Variants in MEGF9 observed in about 807,000 individuals in gnomAD.
MEGF9 encodes multiple EGF like domains 9, also known as multiple epidermal growth factor-like domains protein 9.
A neutral mutation model predicts 46.8 loss-of-function variants in MEGF9; 6 were observed. The observed-to-expected ratio is 0.13, with a 90% CI of 0.07 to 0.25. The LOEUF is 0.25. Ranked by LOEUF, MEGF9 falls within the 10% of genes least tolerant of loss-of-function variation. MEGF9 has a pLI of 1.00. For synonymous variants in MEGF9, 302 were observed against 330.7 expected, an observed-to-expected ratio of 0.91 and a Z score of 0.94; for missense variants, 683 against 792.4, an observed-to-expected ratio of 0.86 and a Z score of 1.66.
At chr9:120,637,283 T>C (rs1026860019) in intron 2 of MEGF9, among the ~76,000 whole-genome samples, 2 of 152,102 alleles carry the variant, frequency 1.3e-5, no homozygotes, top group African/African-American at 2.4e-5. Context: ...ACACAAACAC[T>C]GTGGAAGGCC....
chr9:120,672,407 ACATAGTGAGACCCCATCTC>A (rs1202502945), intron 1 of MEGF9, among the ~76,000 whole-genome samples: 1 of 151,528 alleles, frequency 6.6e-6, no homozygotes, highest in Non-Finnish European at 1.5e-5. Flanking sequence ...AGCCTAGGCA[ACATAGTGAGACCCCATCTC>A]TACAGAAAAA....
rs1564428234 is a variant in MEGF9, at chr9:120,688,133, ACACACAC to A, written c.601+25618_601+25624del. Among the ~76,000 whole-genome samples the A allele has an allele frequency of 2.3e-3, 69 of 30,316 alleles. 1 individual carries two copies. Among genetic ancestry groups the A allele is most frequent in the African/African-American group, 8.6e-3 (68 of 7,944 alleles). 19.9% of individuals were successfully genotyped at this position (30,316 alleles called of 152,430 possible). On this transcript the variant is annotated intron_variant, in intron 1 of 5. Transcript: ENST00000373930. The stretch of plus-strand genomic sequence containing the variant: ...GAATGCATCATCTCCTCTCCGCAAC[ACACACAC>A]ACACACACACACACACACACACACA...
At chr9:120,618,077 A>C (rs1203740366) in intron 3 of MEGF9, among the ~76,000 whole-genome samples, 1 of 152,200 alleles carries the variant, frequency 6.6e-6, no homozygotes, top group Non-Finnish European at 1.5e-5. Flanking sequence ...GAGAAATGCA[A>C]ATCTGATAAT....
chr9:120,624,980 A>G (rs1488940975), intron 2 of MEGF9, among the ~76,000 whole-genome samples: 1 of 152,230 alleles, frequency 6.6e-6, no homozygotes, highest in Non-Finnish European at 1.5e-5. Context: ...CTGCATGTAT[A>G]AGAATTAAAT....
chr9:120,650,461 G>C (rs2043644624), intron 2 of MEGF9, among the ~76,000 whole-genome samples: 1 of 152,068 alleles, frequency 6.6e-6, no homozygotes, highest in Admixed American at 6.5e-5. Context: ...AATTAAACAG[G>C]TTGGAACACC....
intron 1 of MEGF9, among the ~76,000 whole-genome samples, chr9:120,664,726 C>T (rs1041122571): frequency 2.0e-5 from 3 of 152,172 alleles, no homozygotes; most frequent in African/African-American, 7.2e-5. Flanking sequence ...TAGAAGACTA[C>T]TGGTGGCTAT....
rs2043550331 is a variant in MEGF9, at chr9:120,631,486, C to CA, written c.804-8732dup. Among the ~76,000 whole-genome samples, 3 of 92,842 alleles carry CA rather than the reference C, an allele frequency of 3.2e-5. No homozygotes were observed. The South Asian group carries it at 1.4e-3, about 43-fold the overall frequency. The allele number at this position is 92,842 out of a possible 152,430, so 60.9% of individuals were successfully genotyped here. ...CTGTGGTTCCATATGAATTTGATTG[C>CA]ATTTTTTTTTTTTTCTGAGATGGAG... On this transcript the variant is annotated intron_variant, in intron 2 of 5. Coordinates refer to ENST00000373930, the MANE Select transcript of MEGF9 (RefSeq NM_001080497.3).
At chr9:120,646,025 T>G (rs982814983) in intron 2 of MEGF9, among the ~76,000 whole-genome samples, 1 of 152,206 alleles carries the variant, frequency 6.6e-6, no homozygotes, top group African/African-American at 2.4e-5. Flanking sequence ...ACTTTGTGCC[T>G]AAGCATTTCC....
intron 3 of MEGF9, among the ~76,000 whole-genome samples, chr9:120,621,734 G>A (rs552759661): frequency 2.6e-5 from 4 of 151,960 alleles, no homozygotes; most frequent in East Asian, 1.9e-4. Flanking sequence ...ATTGTATGCC[G>A]GACACAGTAT....
chr9:120,701,690 A>C (rs2043905830), intron 1 of MEGF9, among the ~76,000 whole-genome samples: 1 of 152,204 alleles, frequency 6.6e-6, no homozygotes, highest in Non-Finnish European at 1.5e-5. Context: ...AATTTTGCAC[A>C]ATCTAAACAA....
At chr9:120,649,028 T>C (rs1044928678) in intron 2 of MEGF9, among the ~76,000 whole-genome samples, 3 of 152,214 alleles carry the variant, frequency 2.0e-5, no homozygotes, top group Non-Finnish European at 2.9e-5. Context: ...GTCCTTTCCA[T>C]AAAATGGCAC....
chr9:120,649,764 T>A (rs1388031138), intron 2 of MEGF9, among the ~76,000 whole-genome samples: 1 of 152,224 alleles, frequency 6.6e-6, no homozygotes, highest in East Asian at 1.9e-4. Context: ...CTTGTTTATA[T>A]CCATTAGCCT....
At chr9:120,632,345 T>C in intron 2 of MEGF9, among the ~76,000 whole-genome samples, 1 of 151,960 alleles carries the variant, frequency 6.6e-6, no homozygotes, top group East Asian at 1.9e-4. Flanking sequence ...TGTTTTTTTT[T>C]TTTTTTGGAG....
At chr9:120,606,509 G>A (rs1042765876) in intron 5 of MEGF9, among the ~76,000 whole-genome samples, 6 of 152,180 alleles carry the variant, frequency 3.9e-5, no homozygotes, top group African/African-American at 1.4e-4. Flanking sequence ...CCATGTGTAG[G>A]AATTCTTCCT....
At chr9:120,700,059 T>A (rs1283880067) in intron 1 of MEGF9, among the ~76,000 whole-genome samples, 1 of 152,230 alleles carries the variant, frequency 6.6e-6, no homozygotes, top group East Asian at 1.9e-4. Context: ...ATATAAACCA[T>A]GTAACTTGGA....
chr9:120,632,419 AACAGC>A (rs1396805799), intron 2 of MEGF9, among the ~76,000 whole-genome samples: 1 of 151,894 alleles, frequency 6.6e-6, no homozygotes, highest in Non-Finnish European at 1.5e-5. Context: ...GCTGTGTAAA[AACAGC>A]ACTGATTTTT....
chr9:120,711,435 C>T (rs962227105), intron 1 of MEGF9, among the ~76,000 whole-genome samples: 1 of 152,010 alleles, frequency 6.6e-6, no homozygotes, highest in Non-Finnish European at 1.5e-5. Flanking sequence ...TTTTTAAATA[C>T]CCTGTGTGTA....
chr9:120,622,434 T>TTTTTTTA (rs1554794918), intron 3 of MEGF9, among the ~76,000 whole-genome samples, 182 bp downstream of exon 3: 26 of 148,172 alleles, frequency 1.8e-4, no homozygotes, highest in African/African-American at 5.0e-4. Context: ...TTTTTTTTTT[T>TTTTTTTA]AATTTACGTA....
intron 2 of MEGF9, among the ~76,000 whole-genome samples, chr9:120,638,220 G>A (rs766016552): frequency 1.3e-5 from 2 of 152,136 alleles, no homozygotes; most frequent in Non-Finnish European, 1.5e-5. Context: ...TTTAACTCCC[G>A]GCTTCAAGTG....
Sources: allele counts gnomAD v4.1 joint callset (sites outside exome capture counted in the v4.1 genomes callset), GRCh38; gene constraint gnomAD v4.1.1; transcripts MANE v1.5; gene names NCBI Gene and HGNC (gene_info 2026-07-23, HGNC 2026-07-21).